ZDHHC11: variants seen among roughly 807,000 people sequenced by gnomAD.
The protein encoded by ZDHHC11 is zDHHC palmitoyltransferase 11.
Under a neutral mutation model 51.3 loss-of-function variants are expected in ZDHHC11, and 44 were observed. The ratio of observed to expected loss-of-function variants is 0.86; its 90% CI spans 0.67 to 1.10. The LOEUF (loss-of-function observed/expected upper bound fraction) is 1.10. ZDHHC11 is among the 50% of genes least tolerant of loss of function. The pLI, the probability that ZDHHC11 is intolerant of heterozygous loss-of-function variation, is 0.00. For synonymous variants in ZDHHC11, 163 were observed against 222.0 expected (o/e 0.73, Z 2.36); for missense variants, 400 against 537.7 (o/e 0.74, Z 2.53).
At chr5:805,040 AAATATTGTT>A (rs1404459197) in intron 11 of ZDHHC11, among the ~76,000 whole-genome samples, 1 of 151,452 alleles carries the variant, frequency 6.6e-6, no homozygotes, top group African/African-American at 2.4e-5. Context: ...CAATAATTAT[AAATATTGTT>A]AATGGGTGCA....
upstream of ZDHHC11, among the ~76,000 whole-genome samples, chr5:859,973 C>T (rs983230899): frequency 2.0e-5 from 3 of 152,186 alleles, no homozygotes; most frequent in East Asian, 5.8e-4. Context: ...GGGGTCCCTC[C>T]AAGACCACCA....
chr5:824,669 CAT>C (rs1310416614), intron 8 of ZDHHC11, among the ~76,000 whole-genome samples: 1 of 151,444 alleles, frequency 6.6e-6, no homozygotes, highest in African/African-American at 2.4e-5. Context: ...CACCCCCCCA[CAT>C]ATGTGCAACC....
At chr5:821,776 TA>T in intron 9 of ZDHHC11, 84 bp downstream of exon 9, 2 of 1,345,868 alleles carry the variant, frequency 1.5e-6, no homozygotes, top group South Asian at 1.4e-5. Flanking sequence ...ATGGATGACA[TA>T]TTTTCCTAAG....
chr5:795,657 TGAC>T lies in ZDHHC11; in HGVS notation c.*928_*930del, dbSNP rs1291678308. ...GGAAAACTGATTATCTTTTAAAAAA[TGAC>T]TACTAAACAGATTAAAATGCAGAGT... On this transcript the variant is annotated 3_prime_UTR_variant, in exon 13 of 13. Transcript: ENST00000283441. 1.3e-5 allele frequency: 2 copies of T among 153,772 alleles called. No individual in the cohort carries two copies. Among genetic ancestry groups the T allele is most frequent in the African/African-American group, 4.8e-5 (2 of 41,314 alleles). The allele number at this position is 153,772 out of a possible 1,614,324, so 9.5% of individuals were successfully genotyped here.
At chr5:852,409 C>T (rs539491734), upstream of ZDHHC11, among the ~76,000 whole-genome samples, 8 of 152,318 alleles carry the variant, frequency 5.3e-5, no homozygotes, top group South Asian at 4.1e-4. Context: ...GACTTCAGGT[C>T]GAAACTGTGC....
chr5:850,487 T>A lies in ZDHHC11; in HGVS notation c.116A>T (p.His39Leu). ...SRVNGWSLPL[H>L]YFQVVTWAVF... ...AGCCCAGGTCACCACCTGGAAGTAG[T>A]GCAGGGGTAACGACCAGCCGTTCAC... Residue 39 changes from histidine (H) to leucine (L), a missense_variant, in exon 1 of 13, where the codon CAC (histidine) becomes CTC (leucine). This residue lies in a region of ZDHHC11 where 119 missense variants were observed against 99.6 expected (regional missense o/e 1.20). Coordinates refer to ENST00000283441, the MANE Select transcript of ZDHHC11 (RefSeq NM_024786.3). 8 of 1,613,606 alleles carry A rather than the reference T, an allele frequency of 5.0e-6. No homozygotes were observed. Among genetic ancestry groups the A allele is most frequent in the Non-Finnish European group, 6.8e-6 (8 of 1,179,990 alleles).
chr5:835,454 GTC>G (rs201289980), intron 6 of ZDHHC11, among the ~76,000 whole-genome samples: 2 of 151,564 alleles, frequency 1.3e-5, no homozygotes, highest in Admixed American at 6.6e-5. Context: ...GTAGCTTTAT[GTC>G]TCTCTCTCTG....
At chr5:859,391 CCT>C (rs966341676), upstream of ZDHHC11, among the ~76,000 whole-genome samples, 14 of 152,108 alleles carry the variant, frequency 9.2e-5, no homozygotes, top group East Asian at 1.9e-4. Context: ...CTGAAAAGCC[CCT>C]GAGCTGACTA....
chr5:844,856 A>C (rs1161126015), intron 3 of ZDHHC11, among the ~76,000 whole-genome samples: 1 of 152,306 alleles, frequency 6.6e-6, no homozygotes, highest in African/African-American at 2.4e-5. Flanking sequence ...TGCAGAGAAT[A>C]ATCCATCCAC....
At chr5:847,231 G>A (rs1230282603) in intron 3 of ZDHHC11, among the ~76,000 whole-genome samples, 3 of 151,720 alleles carry the variant, frequency 2.0e-5, no homozygotes, top group African/African-American at 7.3e-5. Context: ...CCAGGACAGC[G>A]TGGTCAGGAG....
intron 12 of ZDHHC11, among the ~76,000 whole-genome samples, chr5:799,711 A>T (rs1227057851): frequency 1.3e-5 from 2 of 151,644 alleles, no homozygotes; most frequent in Non-Finnish European, 2.9e-5. Context: ...TGTTCTATAG[A>T]CATTCTACAT....
chr5:840,561 C>G lies in ZDHHC11; in HGVS notation c.718G>C (p.Val240Leu), dbSNP rs149444009. ...TLIVVIIGML[V>L]LLLDFLGLVH... ...AAGCCAAGAAAGTCCAGCAGGAGCACGAGCATCCCGATGATCACGACTATC... is the reference window on the plus strand; with the variant it reads ...AAGCCAAGAAAGTCCAGCAGGAGCAGGAGCATCCCGATGATCACGACTATC... The change falls in exon 5 of 13, where the codon GTG becomes CTG. Residue 240 changes from valine to leucine, a missense_variant. This residue lies in a region of ZDHHC11 where 231 missense variants were observed against 227.4 expected (regional missense o/e 1.02). Coordinates refer to ENST00000283441, the MANE Select transcript of ZDHHC11 (RefSeq NM_024786.3). 6 of 1,613,756 alleles carry G rather than the reference C, an allele frequency of 3.7e-6. No individual in the cohort carries two copies. The African/African-American group carries it at 6.7e-5, about 18-fold the overall frequency.
chr5:803,334 C>T lies in ZDHHC11; in HGVS notation c.1182-2170G>A, dbSNP rs113946254. ...GATTTACAGAGACAGACATTCCCCC[C>T]TTGTTTGTAGCTTGTTTGTAGCTAG... On this transcript the variant is annotated intron_variant, in intron 11 of 12. Coordinates refer to ENST00000283441, the MANE Select transcript of ZDHHC11 (RefSeq NM_024786.3). Among the ~76,000 whole-genome samples, 885 of 151,456 alleles carry T rather than the reference C, an allele frequency of 5.8e-3. 30 individuals are homozygous for T. The highest frequency in any genetic ancestry group is 0.02 in the African/African-American group (842 of 41,284).
intron 11 of ZDHHC11, 92 bp downstream of exon 11, chr5:814,669 C>T (rs557702766): frequency 1.5e-6 from 2 of 1,298,278 alleles, no homozygotes; most frequent in Non-Finnish European, 2.1e-6. Context: ...ATTATTTGAA[C>T]ATGTTAAATA....
chr5:816,562 C>G (rs1340044259), intron 10 of ZDHHC11: 1 of 595,834 alleles, frequency 1.7e-6, no homozygotes, highest in Admixed American at 1.9e-5. Context: ...AATACAAATA[C>G]GTGGAGAATT....
At chr5:814,644 C>T in intron 11 of ZDHHC11, 117 bp downstream of exon 11, 1 of 1,142,620 alleles carries the variant, frequency 8.8e-7, no homozygotes, top group Non-Finnish European at 1.2e-6. Context: ...TTTCTACTTT[C>T]CCTTATGTCA....
At position 820,319 on chromosome 5, in the gene ZDHHC11, T is replaced by C. The variant is rs536565636; in HGVS notation, c.1059-707A>G. Among the ~76,000 whole-genome samples, 130 of 151,680 alleles carry C rather than the reference T, an allele frequency of 8.6e-4. 2 individuals carry two copies. Among genetic ancestry groups the C allele is most frequent in the African/African-American group, 3.1e-3 (127 of 41,442 alleles). Reference sequence around the variant, plus strand: ...AAAAGCAATTTCATAGAAGACTTAATGGGTCGTTTGAAAGGGAATGAACTT... The same window carrying C: ...AAAAGCAATTTCATAGAAGACTTAACGGGTCGTTTGAAAGGGAATGAACTT... On this transcript the variant is annotated intron_variant, in intron 9 of 12. Coordinates refer to ENST00000283441, the MANE Select transcript of ZDHHC11 (RefSeq NM_024786.3).
chr5:828,718 T>A lies in ZDHHC11; in HGVS notation c.936-3467A>T, dbSNP rs1390260157. ...AATGTACATTCTTTTCATCAGTACA[T>A]GGAAAATTCTCCAAGATACATCATA... On this transcript the variant is annotated intron_variant, in intron 7 of 12. Transcript: ENST00000283441. Among the ~76,000 whole-genome samples the A allele has an allele frequency of 3.7e-4, 56 of 150,844 alleles. 2 individuals are homozygous for A. The highest frequency in any genetic ancestry group is 1.2e-3 in the African/African-American group (50 of 40,872).
intron 11 of ZDHHC11, among the ~76,000 whole-genome samples, chr5:804,520 C>T (rs1182708844): frequency 7.0e-6 from 1 of 143,320 alleles, no homozygotes; most frequent in African/African-American, 2.6e-5. Flanking sequence ...TCCAAGCAGG[C>T]TATACGCCAA....
Sources: gnomAD v4.1 joint callset for allele counts (sites outside exome capture counted in the v4.1 genomes callset) on GRCh38, gnomAD v4.1.1 for gene constraint, gnomAD v4.1.1 regional missense constraint, MANE v1.5 for transcripts, NCBI Gene and HGNC (gene_info 2026-07-23, HGNC 2026-07-21) for gene names.